Variants in KNDC1 observed in about 807,000 individuals in gnomAD.
The protein encoded by KNDC1 is kinase non-catalytic C-lobe domain containing 1.
Under a neutral mutation model 172.8 loss-of-function variants are expected in KNDC1, and 106 were observed. The observed-to-expected ratio is 0.61, with a 90% CI of 0.52 to 0.72. The LOEUF (loss-of-function observed/expected upper bound fraction) is 0.72, where lower values mean the gene tolerates loss of function less well. Ranked by LOEUF, KNDC1 falls within the 30% of genes least tolerant of loss-of-function variation. The probability of loss-of-function intolerance (pLI) is 0.00; values close to 1 mark genes in which losing one functional copy is unlikely to be tolerated. For missense variants in KNDC1, 2,325 were observed against 2,394.5 expected (o/e 0.97, Z 0.61); for synonymous variants, 1,083 against 1,062.2 (o/e 1.02, Z -0.38).
At position 133,206,653 on chromosome 10, in the gene KNDC1, C is replaced by T. The variant is rs761805916; in HGVS notation, c.3388-32C>T. ...ATGTGGCTGACGTGTGTTGGGGCTG[C>T]CTGGGGCTTAGGCGCTGTGTTTCGT... On this transcript the variant is annotated intron_variant, in intron 17 of 29. Coordinates refer to ENST00000304613, the MANE Select transcript of KNDC1 (RefSeq NM_152643.8). The T allele has an allele frequency of 1.0e-5, 16 of 1,593,498 alleles. No individual in the cohort carries two copies. In the African/African-American group the frequency reaches 1.9e-4, roughly 19 times the overall value.
Position 133,212,903 on chromosome 10 carries a change from A to G in KNDC1, c.4424A>G (p.Gln1475Arg). The G allele has an allele frequency of 6.2e-7, 1 of 1,612,950 alleles. No individual in the cohort carries two copies. The highest frequency in any genetic ancestry group is 8.5e-7 in the Non-Finnish European group (1 of 1,179,306). ...TEYSTHQLFS[Q>R]LTLLQQELFQ... Reference sequence around the variant, plus strand: ...TACAGCACTCACCAGCTCTTCAGCCAGCTCACGCTGCTACAGCAGGTGAGG... The same window carrying G: ...TACAGCACTCACCAGCTCTTCAGCCGGCTCACGCTGCTACAGCAGGTGAGG... The change falls in exon 24 of 30, where the codon CAG (glutamine) becomes CGG (arginine). Residue 1475 changes from glutamine to arginine, a missense_variant. Transcript: ENST00000304613.
intron 15 of KNDC1, 133 bp downstream of exon 15, chr10:133,199,735 C>A: frequency 9.5e-7 from 1 of 1,057,090 alleles, no homozygotes; most frequent in Non-Finnish European, 1.4e-6. Context: ...TCCAGAGGGG[C>A]TACCCTTGGT....
At chr10:133,177,574 T>C (rs980003580) in intron 3 of KNDC1, among the ~76,000 whole-genome samples, 1 of 151,594 alleles carries the variant, frequency 6.6e-6, no homozygotes, top group Non-Finnish European at 1.5e-5. Flanking sequence ...TGTACATGCA[T>C]GTGGTGTGTG....
intron 13 of KNDC1, 26 bp from the exon 14 acceptor site, chr10:133,198,552 C>T (rs755320091): frequency 1.3e-6 from 2 of 1,578,030 alleles, no homozygotes; most frequent in South Asian, 2.3e-5. Context: ...GCAGGCAGCC[C>T]CTCCTGAGCT....
intron 9 of KNDC1, among the ~76,000 whole-genome samples, chr10:133,193,383 G>A (rs1854109816): frequency 1.3e-5 from 2 of 152,150 alleles, no homozygotes. Context: ...AAATTTGCCA[G>A]GCATGGTGGT....
At chr10:133,208,257 C>T (rs1294745069) in intron 20 of KNDC1, among the ~76,000 whole-genome samples, 19 of 131,830 alleles carry the variant, frequency 1.4e-4, no homozygotes, top group East Asian at 6.8e-4. Flanking sequence ...TAGAGAGGGA[C>T]GTGGCCCCCC....
At chr10:133,185,453 TG>T (rs1853869395) in intron 5 of KNDC1, among the ~76,000 whole-genome samples, 1 of 142,580 alleles carries the variant, frequency 7.0e-6, no homozygotes, top group Non-Finnish European at 1.6e-5. Context: ...GAATAGGCAG[TG>T]TGTGCAGTGT....
chr10:133,198,756 G>A lies in KNDC1; in HGVS notation c.2248G>A (p.Val750Met). The change falls in exon 14 of 30, where the codon GTG becomes ATG. Residue 750 changes from valine (V) to methionine (M), a missense_variant. Val to Met is a conservative substitution (Grantham distance 21). Coordinates refer to ENST00000304613, the MANE Select transcript of KNDC1 (RefSeq NM_152643.8). ...AGCCCCAGAGCCTCTTGGGGCGTCA[G>A]TGCAGCGTGACTCAGCCCAGGGCCG... The part of the protein sequence containing the change: ...GAAPEPLGAS[V>M]QRDSAQGRPC... 1.9e-6 allele frequency: 3 copies of A among 1,584,712 alleles called. No homozygotes were observed. Among genetic ancestry groups the A allele is most frequent in the South Asian group, 1.1e-5 (1 of 87,210 alleles).
chr10:133,223,861 G>A (rs1158352089), intron 29 of KNDC1, among the ~76,000 whole-genome samples: 3 of 115,728 alleles, frequency 2.6e-5, no homozygotes, highest in Admixed American at 8.8e-5. Flanking sequence ...TTCCCGGCAT[G>A]TGTGTGTGTG....
intron 9 of KNDC1, among the ~76,000 whole-genome samples, chr10:133,194,727 C>T (rs775353931): frequency 1.1e-4 from 17 of 152,164 alleles, no homozygotes; most frequent in East Asian, 1.9e-4. Context: ...AAGTCAGCCA[C>T]GTGGGAGTAC....
intron 3 of KNDC1, among the ~76,000 whole-genome samples, chr10:133,182,572 A>G (rs747067663): frequency 4.8e-4 from 73 of 152,372 alleles, no homozygotes; most frequent in Non-Finnish European, 8.4e-4. Flanking sequence ...CCTGGGAAGA[A>G]GTGTCCAGGC....
chr10:133,196,863 G>A (rs1854206286), intron 10 of KNDC1, among the ~76,000 whole-genome samples, 195 bp from the exon 11 acceptor site: 1 of 152,188 alleles, frequency 6.6e-6, no homozygotes, highest in Non-Finnish European at 1.5e-5. Context: ...CTGGGGGACA[G>A]TGGCCGACTG....
At chr10:133,207,116 G>A (rs371673621) in intron 19 of KNDC1, 21 bp from the exon 20 acceptor site, 386 of 1,567,286 alleles carry the variant, frequency 2.5e-4, no homozygotes, top group Admixed American at 1.7e-4. Flanking sequence ...GTGACCAAGC[G>A]CCCGTGTCCC....
chr10:133,180,017 C>T (rs1445125500), intron 3 of KNDC1, among the ~76,000 whole-genome samples: 1 of 152,218 alleles, frequency 6.6e-6, no homozygotes, highest in Non-Finnish European at 1.5e-5. Context: ...GGTCCAGCCT[C>T]GTCCTGCTGC....
At chr10:133,184,248 GCACACACACGTTACACACACCCATGCA>G (rs1564882840) in intron 5 of KNDC1, among the ~76,000 whole-genome samples, 1 of 121,050 alleles carries the variant, frequency 8.3e-6, no homozygotes, top group East Asian at 2.5e-4. Context: ...CGCACACACT[GCACACACACGTTACACACACCCATGCA>G]CACACACGCT....
rs757674308 is a variant in KNDC1, at chr10:133,186,668, G to A, written c.1320G>A (p.Ala440=). The stretch of plus-strand genomic sequence containing the variant: ...CTAGGCAGCTGGAAAGTGCAGCCGC[G>A]GAGCAGGTGGGTGCCTGGGTCTTGT... ...EGARQLESAA[A]EQWVSLQDLL... is the part of the protein sequence containing the mutation. The change falls in exon 6 of 30, where the codon GCG becomes GCA. Residue 440 remains alanine (A), a synonymous_variant. Transcript: ENST00000304613. 34 of 1,576,514 alleles carry A rather than the reference G, an allele frequency of 2.2e-5. No individual in the cohort carries two copies. In the South Asian group the frequency reaches 2.5e-4, roughly 12 times the overall value.
chr10:133,202,535 G>C, intron 17 of KNDC1: 1 of 446,126 alleles, frequency 2.2e-6, no homozygotes, highest in Non-Finnish European at 4.5e-6. Context: ...CGGGACTCCA[G>C]GGTGGATGAC....
At chr10:133,166,210 G>A (rs1195248617) in intron 1 of KNDC1, among the ~76,000 whole-genome samples, 5 of 152,198 alleles carry the variant, frequency 3.3e-5, no homozygotes, top group African/African-American at 1.2e-4. Flanking sequence ...GTGCACTGGG[G>A]GAGGGGGGGC....
intron 10 of KNDC1, 58 bp from the exon 11 acceptor site, chr10:133,197,000 G>C: frequency 7.3e-7 from 1 of 1,379,150 alleles, no homozygotes; most frequent in Non-Finnish European, 1.0e-6. Flanking sequence ...AGTGACACGG[G>C]GACGGTGCAG....
Sources: gnomAD v4.1 joint callset for allele counts (sites outside exome capture counted in the v4.1 genomes callset) on GRCh38, gnomAD v4.1.1 for gene constraint, MANE v1.5 for transcripts, NCBI Gene and HGNC (gene_info 2026-07-23, HGNC 2026-07-21) for gene names.